CSMD2: variants seen among roughly 807,000 people sequenced by gnomAD.
CSMD2 encodes the protein CUB and Sushi multiple domains 2, also known as CUB and sushi domain-containing protein 2.
In CSMD2, 130 loss-of-function variants were observed where a neutral mutation model predicts 398.5. That is an observed-to-expected ratio of 0.33 (90% CI 0.28 to 0.38). The LOEUF (loss-of-function observed/expected upper bound fraction) is 0.38, where lower values mean the gene tolerates loss of function less well. CSMD2 is among the 10% of genes least tolerant of loss of function. The pLI is 1.00. For synonymous variants in CSMD2, 1,828 were observed against 1,908.5 expected, an observed-to-expected ratio of 0.96 and a Z score of 1.10; for missense variants, 3,829 against 4,764.9, an observed-to-expected ratio of 0.80 and a Z score of 5.78.
At chr1:34,112,117 A>G (rs1661158960) in intron 1 of CSMD2, among the ~76,000 whole-genome samples, 1 of 152,168 alleles carries the variant, frequency 6.6e-6, no homozygotes, top group African/African-American at 2.4e-5. Flanking sequence ...GGAGTAGTAG[A>G]GAAATGTACT....
chr1:33,653,705 G>T (rs1440771531), intron 27 of CSMD2, among the ~76,000 whole-genome samples: 1 of 152,080 alleles, frequency 6.6e-6, no homozygotes, highest in African/African-American at 2.4e-5. Flanking sequence ...CTGTACCGTG[G>T]CATGAGGACT....
chr1:33,819,147 G>T (rs1338213918), intron 9 of CSMD2, among the ~76,000 whole-genome samples: 1 of 152,182 alleles, frequency 6.6e-6, no homozygotes, highest in Non-Finnish European at 1.5e-5. Context: ...AAGATTATTT[G>T]GGGGGTAGGG....
At chr1:33,565,470 A>G (rs1398398639) in intron 53 of CSMD2, among the ~76,000 whole-genome samples, 1 of 152,176 alleles carries the variant, frequency 6.6e-6, no homozygotes, top group Non-Finnish European at 1.5e-5. Flanking sequence ...AAAAAAAATA[A>G]ATAAACAAAA....
intron 1 of CSMD2, among the ~76,000 whole-genome samples, chr1:34,104,776 C>G (rs769483708): frequency 7.2e-5 from 11 of 152,196 alleles, no homozygotes; most frequent in Admixed American, 5.2e-4. Context: ...AGGGGTCAAA[C>G]AGTATCTTTG....
At chr1:33,705,124 A>T (rs1645733588) in intron 22 of CSMD2, among the ~76,000 whole-genome samples, 1 of 152,054 alleles carries the variant, frequency 6.6e-6, no homozygotes, top group South Asian at 2.1e-4. Flanking sequence ...TTAAATTATA[A>T]ATTGATAAAT....
At chr1:33,858,329 C>A (rs908935961) in intron 5 of CSMD2, among the ~76,000 whole-genome samples, 26 of 152,224 alleles carry the variant, frequency 1.7e-4, no homozygotes, top group African/African-American at 5.8e-4. Flanking sequence ...ATAACTTTTT[C>A]TCCTTCCTTC....
In CSMD2 at chr1:33,658,575, C is replaced by T. The variant is rs189348822; in HGVS notation, c.4256-438G>A. ...TGACAAGATAATTAAGTCTAAACTCCATGCTGCCAGGTATGGTGGCTCACG... is the reference window on the plus strand; with the variant it reads ...TGACAAGATAATTAAGTCTAAACTCTATGCTGCCAGGTATGGTGGCTCACG... On this transcript the variant is annotated intron_variant, in intron 26 of 70. Transcript: ENST00000373381. Among the ~76,000 whole-genome samples, 246 of 150,240 alleles carry T rather than the reference C, an allele frequency of 1.6e-3. 1 individual carries two copies. The highest frequency in any genetic ancestry group is 6.1e-3 in the African/African-American group (241 of 39,650).
At chr1:33,530,520 T>C (rs920975512) in intron 64 of CSMD2, among the ~76,000 whole-genome samples, 4 of 152,212 alleles carry the variant, frequency 2.6e-5, no homozygotes, top group Non-Finnish European at 5.9e-5. Flanking sequence ...GTAACCATTA[T>C]GGAAAACGTA....
chr1:33,671,260 C>A (rs1045739307), intron 25 of CSMD2, among the ~76,000 whole-genome samples: 3 of 152,098 alleles, frequency 2.0e-5, no homozygotes, highest in African/African-American at 7.2e-5. Flanking sequence ...GGGGTTCCAC[C>A]AAAGGAGGGC....
At position 33,569,362 on chromosome 1, in the gene CSMD2, G is replaced by A; in HGVS notation, c.8131+12C>T. 2.5e-6 allele frequency: 4 copies of A among 1,611,682 alleles called. No homozygotes were observed. The highest frequency in any genetic ancestry group is 3.4e-6 in the Non-Finnish European group (4 of 1,178,666). ...AAAAACTGGGCAGGATAGGCCTGCA[G>A]AGGTCACTTACCAAGGCAGCGGACT... On this transcript the variant is annotated intron_variant, in intron 52 of 70. Coordinates refer to ENST00000373381, the MANE Select transcript of CSMD2 (RefSeq NM_001281956.2).
At chr1:33,977,974 G>A (rs1022807848) in intron 3 of CSMD2, among the ~76,000 whole-genome samples, 7 of 127,086 alleles carry the variant, frequency 5.5e-5, no homozygotes, top group African/African-American at 1.7e-4. Flanking sequence ...GCAGGTGTGA[G>A]GTGGAGCACA....
At chr1:33,617,921 A>T (rs1335697250) in intron 37 of CSMD2, among the ~76,000 whole-genome samples, 1 of 151,966 alleles carries the variant, frequency 6.6e-6, no homozygotes, top group Non-Finnish European at 1.5e-5. Context: ...AGCTAGGGAG[A>T]CTTCTCTGCA....
At position 33,743,337 on chromosome 1, in the gene CSMD2, G is replaced by A; in HGVS notation, c.2116C>T (p.Leu706Phe). Reference sequence around the variant, plus strand: ...GTGGAGTGGTCAGTCTGGAACTCGAGACGGGCCACGTGGCCACTGCTTGTG... The same window carrying A: ...GTGGAGTGGTCAGTCTGGAACTCGAAACGGGCCACGTGGCCACTGCTTGTG... ...SITSSGHVAR[L>F]EFQTDHSTGK... is the part of the protein sequence containing the mutation. The change falls in exon 14 of 71, where the codon CTC becomes TTC. Residue 706 changes from leucine to phenylalanine, a missense_variant. Physicochemically the swap from Leu to Phe is conservative, Grantham distance 22. Transcript: ENST00000373381. The A allele has an allele frequency of 1.2e-6, 2 of 1,614,126 alleles. No homozygotes were observed. Among genetic ancestry groups the A allele is most frequent in the Non-Finnish European group, 1.7e-6 (2 of 1,180,018 alleles).
intron 1 of CSMD2, among the ~76,000 whole-genome samples, chr1:34,153,438 T>G (rs1640513698): frequency 6.6e-6 from 1 of 152,256 alleles, no homozygotes. Flanking sequence ...ACATTTTGTT[T>G]ATCCACTCAT....
intron 56 of CSMD2, 31 bp from the exon 57 acceptor site, chr1:33,546,250 T>C (rs1377888717): frequency 6.3e-7 from 1 of 1,587,654 alleles, no homozygotes. Flanking sequence ...AATCCCATTA[T>C]TTTTCAGGGA....
At position 34,038,626 on chromosome 1, in the gene CSMD2, G is replaced by A. The variant is rs548926991; in HGVS notation, c.405-5920C>T. 1.2e-4 allele frequency among the ~76,000 whole-genome samples: 18 copies of A among 152,232 alleles called. 1 individual carries two copies. The highest frequency in any genetic ancestry group is 6.5e-4 in the Admixed American group (10 of 15,288). On this transcript the variant is annotated intron_variant, in intron 2 of 70. Transcript: ENST00000373381. ...TAGGATTAAAGCCAGAATCCCTAAC[G>A]AGGTTCACAAATCCTGCATGGCTTG... is the stretch of plus-strand genomic sequence containing the variant.
At chr1:33,969,809 A>G (rs933782521) in intron 3 of CSMD2, among the ~76,000 whole-genome samples, 1 of 150,878 alleles carries the variant, frequency 6.6e-6, no homozygotes, top group Admixed American at 6.6e-5. Context: ...CACACTAAGA[A>G]TCCATGAAAA....
intron 3 of CSMD2, among the ~76,000 whole-genome samples, chr1:34,004,197 T>G (rs539747079): frequency 6.6e-6 from 1 of 152,330 alleles, no homozygotes. Flanking sequence ...GCCATCTTGT[T>G]GCCACATAAA....
At position 33,760,955 on chromosome 1, in the gene CSMD2, C is replaced by T. The variant is rs192180561; in HGVS notation, c.1846+11614G>A. Among the ~76,000 whole-genome samples the T allele has an allele frequency of 2.8e-3, 427 of 152,234 alleles. 2 individuals carry two copies. The highest frequency in any genetic ancestry group is 4.2e-3 in the Non-Finnish European group (283 of 68,018). ...AGGTTTGCTCTTTGATCCTCAGTCCCTCCTCTCCTCAAGGAATGAACAGGT... is the reference window on the plus strand; with the variant it reads ...AGGTTTGCTCTTTGATCCTCAGTCCTTCCTCTCCTCAAGGAATGAACAGGT... On this transcript the variant is annotated intron_variant, in intron 13 of 70. Transcript: ENST00000373381.
Sources: gnomAD v4.1 joint callset for allele counts (sites outside exome capture counted in the v4.1 genomes callset) on GRCh38, gnomAD v4.1.1 for gene constraint, MANE v1.5 for transcripts, NCBI Gene and HGNC (gene_info 2026-07-23, HGNC 2026-07-21) for gene names.